Variants in NTM observed in about 807,000 individuals in gnomAD.
The protein encoded by NTM is neurotrimin, also known as IgLON family member 2.
Under a neutral mutation model 42.1 loss-of-function variants are expected in NTM, and 13 were observed. The ratio of observed to expected loss-of-function variants is 0.31; its 90% CI spans 0.20 to 0.49. The LOEUF (loss-of-function observed/expected upper bound fraction) is 0.49. Among genes scored for constraint, NTM ranks in the 20% least tolerant of loss-of-function variants. The pLI, the probability that NTM is intolerant of heterozygous loss-of-function variation, is 0.99. For synonymous variants in NTM, 187 were observed against 179.2 expected (o/e 1.04, Z -0.35); for missense variants, 373 against 452.8 (o/e 0.82, Z 1.60).
At chr11:131,958,552 TAAGA>T (rs2061798217) in intron 2 of NTM, among the ~76,000 whole-genome samples, 1 of 152,196 alleles carries the variant, frequency 6.6e-6, no homozygotes, top group South Asian at 2.1e-4. Flanking sequence ...GGCTTTAATC[TAAGA>T]AAGAGACATG....
intron 4 of NTM, among the ~76,000 whole-genome samples, chr11:132,217,245 C>T: frequency 6.6e-6 from 1 of 152,170 alleles, no homozygotes; most frequent in South Asian, 2.1e-4. Flanking sequence ...ATTTGCCATT[C>T]CTTATAGGTT....
chr11:131,756,077 G>A (rs969093063), intron 1 of NTM, among the ~76,000 whole-genome samples: 1 of 152,148 alleles, frequency 6.6e-6, no homozygotes, highest in Non-Finnish European at 1.5e-5. Context: ...ATTCTGAAAG[G>A]GCTCCTGGGT....
At chr11:131,878,594 AATATATATATATATATATATATATATAT>A (rs201069325) in intron 1 of NTM, among the ~76,000 whole-genome samples, 1 of 19,364 alleles carries the variant, frequency 5.2e-5, no homozygotes, top group Non-Finnish European at 9.8e-5. Flanking sequence ...AAAAAAAAAA[AATATATATATATATATATATATATATAT>A]ATATATATAT....
chr11:132,044,068 ATGTGTATGTGTT>A lies in NTM; in HGVS notation c.168-102208_168-102197del, dbSNP rs763248682. Among the ~76,000 whole-genome samples the A allele has an allele frequency of 3.1e-4, 20 of 63,756 alleles. 1 individual carries two copies. The highest frequency in any genetic ancestry group is 1.2e-4 in the Non-Finnish European group (3 of 24,938). 41.8% of individuals were successfully genotyped at this position (63,756 alleles called of 152,430 possible). A position where few individuals can be genotyped will look rare whatever the true frequency, so the allele number is the denominator to read the frequency against. On this transcript the variant is annotated intron_variant, in intron 2 of 8. Transcript: ENST00000683400. ...TATGGGTATGTGTGTATGTGTGTGT[ATGTGTATGTGTT>A]TGTGTGTATGTGTGTATGTATATGT...
intron 3 of NTM, among the ~76,000 whole-genome samples, chr11:132,174,685 A>G (rs1445069496): frequency 6.6e-6 from 1 of 151,494 alleles, no homozygotes; most frequent in Non-Finnish European, 1.5e-5. Context: ...TCTTTCTGGC[A>G]ATGGCTCTTT....
intron 6 of NTM, among the ~76,000 whole-genome samples, chr11:132,310,507 A>G (rs1404560152): frequency 3.3e-5 from 5 of 152,202 alleles, no homozygotes; most frequent in Non-Finnish European, 7.3e-5. Flanking sequence ...GGCCACCAGG[A>G]GCATTGTAAG....
intron 1 of NTM, chr11:131,502,799 T>C (rs1389004089): frequency 6.6e-6 from 1 of 152,246 alleles, no homozygotes; most frequent in African/African-American, 2.4e-5. Flanking sequence ...GCCCGGCACA[T>C]CAGAGCTGTG....
At chr11:132,237,918 C>G (rs188159258) in intron 4 of NTM, among the ~76,000 whole-genome samples, 27 of 152,280 alleles carry the variant, frequency 1.8e-4, no homozygotes, top group African/African-American at 6.5e-4. Context: ...ATAATTACTA[C>G]TTTGCCATAA....
intron 1 of NTM, among the ~76,000 whole-genome samples, chr11:131,755,235 G>T (rs1348545637): frequency 6.6e-6 from 1 of 152,132 alleles, no homozygotes; most frequent in Admixed American, 6.5e-5. Flanking sequence ...AACACAGCAT[G>T]GCACACAAGT....
chr11:131,560,075 C>G (rs144996949), intron 1 of NTM, among the ~76,000 whole-genome samples: 1 of 152,200 alleles, frequency 6.6e-6, no homozygotes, highest in Non-Finnish European at 1.5e-5. Context: ...GATTTGTTCA[C>G]AAAGACAAAG....
chr11:132,055,774 T>C (rs2079559653), intron 2 of NTM, among the ~76,000 whole-genome samples: 1 of 152,118 alleles, frequency 6.6e-6, no homozygotes, highest in Non-Finnish European at 1.5e-5. Context: ...TGGGTTTGAA[T>C]CCCGTCTCTT....
At chr11:131,675,342 A>T (rs1425010192) in intron 1 of NTM, among the ~76,000 whole-genome samples, 2 of 152,218 alleles carry the variant, frequency 1.3e-5, no homozygotes, top group Non-Finnish European at 2.9e-5. Context: ...ACTGGCTAGG[A>T]TATGATTTCA....
chr11:132,168,668 C>T (rs1402133047), intron 3 of NTM, among the ~76,000 whole-genome samples: 2 of 152,150 alleles, frequency 1.3e-5, no homozygotes, highest in East Asian at 1.9e-4. Context: ...ACCTTAAGTC[C>T]AGAGCATAAA....
chr11:132,252,088 A>T (rs1009016711), intron 4 of NTM, among the ~76,000 whole-genome samples: 4 of 152,102 alleles, frequency 2.6e-5, no homozygotes, highest in Admixed American at 6.5e-5. Context: ...TAAGCCCCTC[A>T]GCCTCCCTCC....
chr11:131,804,286 C>T (rs1043081464), intron 1 of NTM, among the ~76,000 whole-genome samples: 2 of 152,162 alleles, frequency 1.3e-5, no homozygotes, highest in African/African-American at 4.8e-5. Flanking sequence ...TAATGATACC[C>T]TTATTTTTGC....
rs1491135129 is a variant in NTM, at chr11:131,789,635, A to AG, written c.83-121929_83-121928insG. Reference sequence around the variant, plus strand: ...GAAGAAGAAGAAGAAGAAGAAGAAGAAAAGAAGAAGAAGAAGAAGAAGAAG... The same window carrying AG: ...GAAGAAGAAGAAGAAGAAGAAGAAGAGAAAGAAGAAGAAGAAGAAGAAGAAG... On this transcript the variant is annotated intron_variant, in intron 1 of 8. Transcript: ENST00000683400. 6.1e-4 allele frequency among the ~76,000 whole-genome samples: 23 copies of AG among 37,904 alleles called. 5 individuals are homozygous for AG. The highest frequency in any genetic ancestry group is 1.7e-3 in the African/African-American group (18 of 10,638). The allele number at this position is 37,904 out of a possible 152,430, so 24.9% of individuals were successfully genotyped here. A position where few individuals can be genotyped will look rare whatever the true frequency, so the allele number is the denominator to read the frequency against.
intron 2 of NTM, among the ~76,000 whole-genome samples, chr11:132,054,717 T>C (rs1334811960): frequency 6.6e-6 from 1 of 152,202 alleles, no homozygotes; most frequent in African/African-American, 2.4e-5. Context: ...TATACTAACT[T>C]ATGAACTTGA....
intron 4 of NTM, among the ~76,000 whole-genome samples, chr11:132,264,126 G>T (rs1025957047): frequency 6.6e-6 from 1 of 152,120 alleles, no homozygotes; most frequent in Non-Finnish European, 1.5e-5. Context: ...CCAACAAACA[G>T]AAATGTCTAT....
intron 4 of NTM, among the ~76,000 whole-genome samples, chr11:132,305,483 G>C (rs559915197): frequency 1.3e-5 from 2 of 152,298 alleles, no homozygotes; most frequent in South Asian, 2.1e-4. Context: ...ATTTCAGATG[G>C]TGTAGGGCAA....
Sources: allele counts gnomAD v4.1 joint callset (sites outside exome capture counted in the v4.1 genomes callset), GRCh38; gene constraint gnomAD v4.1.1; transcripts MANE v1.5; gene names NCBI Gene and HGNC (gene_info 2026-07-23, HGNC 2026-07-21).